The following TLN2 variants were observed in gnomAD, a reference collection of about 807,000 sequenced individuals.
TLN2 encodes the protein talin-2.
TLN2 carries 118 observed loss-of-function variants against 294.7 expected under a neutral mutation model. That is an observed-to-expected ratio of 0.40 (90% CI 0.34 to 0.47). The LOEUF (loss-of-function observed/expected upper bound fraction) is 0.47. Ranked by LOEUF, TLN2 falls within the 20% of genes least tolerant of loss-of-function variation. The pLI is 0.84. For missense variants in TLN2, 3,083 were observed against 3,282.2 expected (o/e 0.94, Z 1.48); for synonymous variants, 1,431 against 1,304.5 (o/e 1.10, Z -2.09).
chr15:62,424,180 A>G (rs377100171), intron 1 of TLN2, among the ~76,000 whole-genome samples: 1 of 152,164 alleles, frequency 6.6e-6, no homozygotes. Context: ...GACATTGCAT[A>G]TATGAGGCAC....
At chr15:62,512,782 C>T (rs1427723627) in intron 1 of TLN2, among the ~76,000 whole-genome samples, 1 of 152,148 alleles carries the variant, frequency 6.6e-6, no homozygotes, top group Non-Finnish European at 1.5e-5. Context: ...GAGAACCATC[C>T]TACACAAATC....
At chr15:62,511,106 C>A (rs183026087) in intron 1 of TLN2, among the ~76,000 whole-genome samples, 1 of 152,192 alleles carries the variant, frequency 6.6e-6, no homozygotes, top group Non-Finnish European at 1.5e-5. Flanking sequence ...CAGACATTGA[C>A]CCCTCCTGTG....
chr15:62,701,693 T>C (rs1418449505), intron 17 of TLN2, among the ~76,000 whole-genome samples: 2 of 152,248 alleles, frequency 1.3e-5, no homozygotes, highest in Admixed American at 6.5e-5. Flanking sequence ...AGGAGCAGAG[T>C]TGACCCCCTG....
At position 62,437,713 on chromosome 15, in the gene TLN2, T is replaced by C. The variant is rs78404077; in HGVS notation, c.-238+47028T>C. Among the ~76,000 whole-genome samples, 903 of 151,636 alleles carry C rather than the reference T, an allele frequency of 6.0e-3. 9 individuals are homozygous for C. Among genetic ancestry groups the C allele is most frequent in the Middle Eastern group, 0.024 (7 of 294 alleles). On this transcript the variant is annotated intron_variant, in intron 1 of 58. Transcript: ENST00000636159. ...CTCTGTTTTAGGTCAGGTTTACTTT[T>C]TTCCTCTGTAAAACGGTACTTTCAA... is the stretch of plus-strand genomic sequence containing the variant.
intron 1 of TLN2, among the ~76,000 whole-genome samples, chr15:62,473,246 GC>G (rs2037588014): frequency 6.6e-6 from 1 of 152,160 alleles, no homozygotes; most frequent in Non-Finnish European, 1.5e-5. Flanking sequence ...CCCCTTCACA[GC>G]ACTGGGCTCA....
At chr15:62,577,137 C>G (rs1281555337) in intron 1 of TLN2, among the ~76,000 whole-genome samples, 3 of 152,182 alleles carry the variant, frequency 2.0e-5, no homozygotes, top group African/African-American at 7.2e-5. Context: ...CTTTGTTATG[C>G]TTCTTATTGT....
intron 1 of TLN2, among the ~76,000 whole-genome samples, chr15:62,452,140 C>T (rs569156930): frequency 1.5e-4 from 11 of 75,622 alleles, no homozygotes; most frequent in South Asian, 1.7e-3. Context: ...GCCCTTGGGA[C>T]GCACCAAGGG....
At chr15:62,646,716 G>C (rs1049902620) in intron 3 of TLN2, among the ~76,000 whole-genome samples, 4 of 152,118 alleles carry the variant, frequency 2.6e-5, no homozygotes, top group African/African-American at 7.2e-5. Context: ...AGGCAGAGTG[G>C]CCAAAGTGAC....
intron 1 of TLN2, among the ~76,000 whole-genome samples, chr15:62,586,627 A>G (rs538617064): frequency 6.6e-6 from 1 of 152,264 alleles, no homozygotes; most frequent in Non-Finnish European, 1.5e-5. Context: ...TATAATCTCC[A>G]TAGAAAACAT....
rs560589605 is a variant in TLN2, at chr15:62,783,993, A to G, written c.5736+103A>G. 2.2e-4 allele frequency: 337 copies of G among 1,561,524 alleles called. No homozygotes were observed. In the Middle Eastern group the frequency reaches 2.4e-3, roughly 11 times the overall value. On this transcript the variant is annotated intron_variant, in intron 45 of 58. Transcript: ENST00000636159. ...GCTCCACTCTGGAAGACCCCAGCCC[A>G]GTAACCAGAGCCCAGTTTATTTCCC...
intron 1 of TLN2, among the ~76,000 whole-genome samples, chr15:62,434,478 T>G (rs2035186875): frequency 6.6e-6 from 1 of 152,156 alleles, no homozygotes; most frequent in Non-Finnish European, 1.5e-5. Flanking sequence ...TGCACTCTTG[T>G]GCATGCGCGC....
intron 58 of TLN2, 62 bp downstream of exon 58, chr15:62,839,043 A>AGC (rs397735509): frequency 4.3e-5 from 68 of 1,572,926 alleles, no homozygotes; most frequent in Non-Finnish European, 5.3e-5. Flanking sequence ...TATAACAGAG[A>AGC]CAAAAGAATA....
At chr15:62,506,164 A>G (rs147429089) in intron 1 of TLN2, among the ~76,000 whole-genome samples, 1 of 152,280 alleles carries the variant, frequency 6.6e-6, no homozygotes, top group South Asian at 2.1e-4. Context: ...CAAATCTAGG[A>G]AACTGTGATA....
At chr15:62,798,554 A>AC (rs1319277409) in intron 48 of TLN2, among the ~76,000 whole-genome samples, 3 of 150,974 alleles carry the variant, frequency 2.0e-5, no homozygotes, top group Non-Finnish European at 4.4e-5. Flanking sequence ...CAAAAACAAA[A>AC]CAAAAAAAAA....
intron 48 of TLN2, among the ~76,000 whole-genome samples, chr15:62,798,365 C>T (rs554244247): frequency 4.3e-4 from 66 of 152,108 alleles, no homozygotes; most frequent in Non-Finnish European, 8.4e-4. Context: ...ACCATTGCTC[C>T]TCAAGGACAG....
At chr15:62,560,499 G>A (rs982905316) in intron 1 of TLN2, among the ~76,000 whole-genome samples, 1 of 152,112 alleles carries the variant, frequency 6.6e-6, no homozygotes, top group Non-Finnish European at 1.5e-5. Context: ...GCTAATTTTT[G>A]TATTTTTAGT....
intron 1 of TLN2, among the ~76,000 whole-genome samples, chr15:62,476,619 C>G (rs2037796613): frequency 6.6e-6 from 1 of 152,198 alleles, no homozygotes; most frequent in African/African-American, 2.4e-5. Flanking sequence ...CTGAATCTAC[C>G]TTCTTGGAGC....
intron 52 of TLN2, among the ~76,000 whole-genome samples, chr15:62,819,054 C>G (rs2067343666): frequency 1.3e-5 from 2 of 151,786 alleles, no homozygotes; most frequent in African/African-American, 4.8e-5. Context: ...GAGATGAGGT[C>G]TTGCTATGTT....
At chr15:62,601,202 A>G (rs977120593) in intron 2 of TLN2, among the ~76,000 whole-genome samples, 1 of 152,172 alleles carries the variant, frequency 6.6e-6, no homozygotes, top group Non-Finnish European at 1.5e-5. Flanking sequence ...TTTGGTTGTC[A>G]CAACTGGGGG....
Sources: gnomAD v4.1 joint callset for allele counts (sites outside exome capture counted in the v4.1 genomes callset) on GRCh38, gnomAD v4.1.1 for gene constraint, MANE v1.5 for transcripts, NCBI Gene and HGNC (gene_info 2026-07-23, HGNC 2026-07-21) for gene names.